The following CELF2 variants were observed in gnomAD, a reference collection of about 807,000 sequenced individuals.
The protein encoded by CELF2 is CUGBP Elav-like family member 2.
CELF2 carries 8 observed loss-of-function variants against 62.6 expected under a neutral mutation model. The observed-to-expected ratio is 0.13, with a 90% confidence interval of 0.07 to 0.23. The LOEUF is 0.23. Among genes scored for constraint, CELF2 ranks in the 10% least tolerant of loss-of-function variants. The pLI, the probability that CELF2 is intolerant of heterozygous loss-of-function variation, is 1.00. For missense variants in CELF2, 333 were observed against 671.0 expected, an observed-to-expected ratio of 0.50 and a Z score of 5.56; for synonymous variants, 258 against 250.0, an observed-to-expected ratio of 1.03 and a Z score of -0.30.
At chr10:11,027,079 G>T (rs188523185) in intron 1 of CELF2, among the ~76,000 whole-genome samples, 1 of 152,092 alleles carries the variant, frequency 6.6e-6, no homozygotes, top group Non-Finnish European at 1.5e-5. Flanking sequence ...GTCCACGCTG[G>T]TAACATCTTT....
At chr10:11,304,886 G>T (rs2094080320) in intron 9 of CELF2, among the ~76,000 whole-genome samples, 1 of 152,182 alleles carries the variant, frequency 6.6e-6, no homozygotes, top group African/African-American at 2.4e-5. Context: ...GGGTTGGCTG[G>T]GGGGTGAACA....
chr10:10,873,692 T>C (rs2060903713), intron 1 of CELF2, among the ~76,000 whole-genome samples: 1 of 152,214 alleles, frequency 6.6e-6, no homozygotes, highest in South Asian at 2.1e-4. Context: ...ATTAATTAAA[T>C]TAGCAATAAA....
At chr10:10,988,549 C>T (rs1355221501) in intron 2 of CELF2, among the ~76,000 whole-genome samples, 1 of 152,006 alleles carries the variant, frequency 6.6e-6, no homozygotes, top group African/African-American at 2.4e-5. Flanking sequence ...TAACAGACTA[C>T]ATATTAGGTA....
At chr10:10,669,714 T>C in the CELF2 span, among the ~76,000 whole-genome samples, 41 of 152,192 alleles carry the variant, frequency 2.7e-4, no homozygotes, top group Non-Finnish European at 1.5e-5. Context: ...TCCTATGCTT[T>C]ACTGACACTG....
chr10:11,199,318 C>T (rs564009940), intron 2 of CELF2, among the ~76,000 whole-genome samples: 1 of 152,186 alleles, frequency 6.6e-6, no homozygotes, highest in Non-Finnish European at 1.5e-5. Context: ...CTTTTCCCCC[C>T]TCTTGAACAT....
chr10:11,175,114 GT>G (rs1217119538), intron 2 of CELF2, among the ~76,000 whole-genome samples: 1 of 151,954 alleles, frequency 6.6e-6, no homozygotes, highest in African/African-American at 2.4e-5. Flanking sequence ...GACACCAAGT[GT>G]TACGGAACAG....
At chr10:10,497,400 T>C in the CELF2 span, among the ~76,000 whole-genome samples, 1 of 152,110 alleles carries the variant, frequency 6.6e-6, no homozygotes, top group Non-Finnish European at 1.5e-5. Context: ...TGCCAGGCAC[T>C]AGGTGCTGAA....
intron 2 of CELF2, among the ~76,000 whole-genome samples, chr10:10,976,076 T>C (rs1171933253): frequency 3.9e-5 from 6 of 152,206 alleles, no homozygotes; most frequent in Non-Finnish European, 7.4e-5. Flanking sequence ...TAAACTGTCA[T>C]GGTGCTGGTG....
rs1448347236 is a variant in CELF2, at chr10:11,321,448, C to T, written c.1294+62C>T. 4.4e-6 allele frequency: 6 copies of T among 1,370,652 alleles called. No homozygotes were observed. The highest frequency in any genetic ancestry group is 3.6e-5 in the South Asian group (3 of 84,256). The allele number at this position is 1,370,652 out of a possible 1,614,324, so 84.9% of individuals were successfully genotyped here. A position where few individuals can be genotyped will look rare whatever the true frequency, so the allele number is the denominator to read the frequency against. On this transcript the variant is annotated intron_variant, in intron 11 of 12. Transcript: ENST00000633077. This position sits in a 1 kb window ranked among gnomAD's most constrained non-coding sequence, Gnocchi z 6.2. ...CAACAGGCAGCACTGGCCTCTAGAG[C>T]ACGGTTAGAAGGTATCAAATTGAAC...
rs1168426291 is a variant in CELF2 at position 11,178,546 on chromosome 10, G to T, written c.271+12864G>T. ...TAGGCTTTCCTCTCTACCTAATTGTGCTCTAATCTGTACTTAGGAGTATAG... is the reference window on the plus strand; with the variant it reads ...TAGGCTTTCCTCTCTACCTAATTGTTCTCTAATCTGTACTTAGGAGTATAG... On this transcript the variant is annotated intron_variant, in intron 2 of 12. Coordinates refer to ENST00000633077, the MANE Select transcript of CELF2 (RefSeq NM_001326342.2). This position sits in a 1 kb window ranked among gnomAD's most constrained non-coding sequence, Gnocchi z 4.3. Among the ~76,000 whole-genome samples, 1 of 152,244 alleles carries T rather than the reference G, an allele frequency of 6.6e-6. No individual in the cohort carries two copies. The highest frequency in any genetic ancestry group is 1.9e-4 in the East Asian group (1 of 5,202).
At chr10:10,624,196 C>T in the CELF2 span, among the ~76,000 whole-genome samples, 1 of 152,226 alleles carries the variant, frequency 6.6e-6, no homozygotes, top group Admixed American at 6.5e-5. Context: ...ATCATCCCCT[C>T]TGCTTTAGTG....
intron 8 of CELF2, among the ~76,000 whole-genome samples, chr10:11,283,860 T>A (rs1244247898): frequency 6.9e-6 from 1 of 145,572 alleles, no homozygotes; most frequent in African/African-American, 2.6e-5. Context: ...GATGAGTGTG[T>A]GGTGGGTGGA....
intron 1 of CELF2, among the ~76,000 whole-genome samples, chr10:10,839,016 CA>C (rs2058497532): frequency 6.6e-6 from 1 of 152,066 alleles, no homozygotes; most frequent in South Asian, 2.1e-4. Flanking sequence ...CGTGGTGGCA[CA>C]CACCTGTAGT....
upstream of CELF2, chr10:11,005,140 A>G: frequency 1.0e-6 from 1 of 985,340 alleles, no homozygotes; most frequent in Non-Finnish European, 1.2e-6. This position sits in a 1 kb window ranked among gnomAD's most constrained non-coding sequence, Gnocchi z 4.3. Context: ...AATAATATGC[A>G]TAGACAACAT....
the CELF2 span, among the ~76,000 whole-genome samples, chr10:10,721,092 G>C: frequency 6.6e-6 from 1 of 152,192 alleles, no homozygotes; most frequent in Non-Finnish European, 1.5e-5. Context: ...TCTGCTCAGA[G>C]ACTATAAACA....
At chr10:10,569,992 A>G in the CELF2 span, among the ~76,000 whole-genome samples, 1 of 152,220 alleles carries the variant, frequency 6.6e-6, no homozygotes, top group South Asian at 2.1e-4. Context: ...AATGTAAATT[A>G]TAACTGAAAG....
At chr10:11,282,484 C>T (rs1238542992) in intron 8 of CELF2, among the ~76,000 whole-genome samples, 5 of 152,330 alleles carry the variant, frequency 3.3e-5, no homozygotes, top group South Asian at 2.1e-4. Flanking sequence ...TAGCAGAGCA[C>T]GGGTAAGGCA....
rs3064962 is a variant in CELF2, at chr10:11,314,130, T to TTTTG, written c.977-6_977-5insGTTT. On this transcript the variant is annotated splice_polypyrimidine_tract_variant and intron_variant, in intron 9 of 12. Coordinates refer to ENST00000633077, the MANE Select transcript of CELF2 (RefSeq NM_001326342.2). This position sits in a 1 kb window ranked among gnomAD's most constrained non-coding sequence, Gnocchi z 5.3. ...TTCTCTCCCCTTGTCTCTGTTTTCC[T>TTTTG]TTTTTCAGTGGCTGCTTCAACCCCC... 1 allele frequency: 1,609,231 copies of TTTTG among 1,611,532 alleles called. 803,494 individuals carry two copies. The highest frequency in any genetic ancestry group is 1 in the East Asian group (44,848 of 44,848).
chr10:10,518,049 C>T, the CELF2 span, among the ~76,000 whole-genome samples: 1 of 152,164 alleles, frequency 6.6e-6, no homozygotes, highest in Admixed American at 6.5e-5. Context: ...TGAAACCCAC[C>T]CAGCTGTCTG....
Sources: allele counts gnomAD v4.1 joint callset (sites outside exome capture counted in the v4.1 genomes callset), GRCh38; gene constraint gnomAD v4.1.1; non-coding constraint Gnocchi (gnomAD v3.1); transcripts MANE v1.5; gene names NCBI Gene and HGNC (gene_info 2026-07-23, HGNC 2026-07-21).